The following PIK3R3 variants were observed in gnomAD, a reference collection of about 807,000 sequenced individuals.
PIK3R3 encodes the protein phosphoinositide-3-kinase regulatory subunit 3.
In PIK3R3, 64 loss-of-function variants were observed where a neutral mutation model predicts 62.9. The observed-to-expected ratio is 1.02, with a 90% CI of 0.83 to 1.25. PIK3R3 has a LOEUF of 1.25. Among genes scored for constraint, PIK3R3 ranks in the 50% most tolerant of loss-of-function variants. The pLI is 0.00. For missense variants in PIK3R3, 614 were observed against 561.6 expected (o/e 1.09, Z -0.94); for synonymous variants, 165 against 189.0 (o/e 0.87, Z 1.04).
chr1:46,096,860 G>C (rs953010867), intron 1 of PIK3R3, among the ~76,000 whole-genome samples: 1 of 147,074 alleles, frequency 6.8e-6, no homozygotes. Flanking sequence ...AAAAAAGAAA[G>C]AAAAAAGAAG....
chr1:46,097,659 G>A (rs951534505), intron 1 of PIK3R3, among the ~76,000 whole-genome samples: 83 of 151,832 alleles, frequency 5.5e-4, no homozygotes, highest in African/African-American at 1.6e-3. Context: ...AGGCCGAGGC[G>A]GGTGGATCAC....
At chr1:46,100,100 T>C (rs1652513638) in intron 1 of PIK3R3, among the ~76,000 whole-genome samples, 1 of 152,144 alleles carries the variant, frequency 6.6e-6, no homozygotes, top group African/African-American at 2.4e-5. Flanking sequence ...CCCAGATGGG[T>C]TATCTATCTC....
rs1553148027 is a variant in PIK3R3, at chr1:46,071,712, A to AATAT, written c.315-4625_315-4622dup. Among the ~76,000 whole-genome samples, 73 of 24,628 alleles carry AATAT rather than the reference A, an allele frequency of 3.0e-3. 4 individuals are homozygous for AATAT. Among genetic ancestry groups the AATAT allele is most frequent in the Middle Eastern group, 0.033 (1 of 30 alleles). 16.2% of individuals were successfully genotyped at this position (24,628 alleles called of 152,430 possible). On this transcript the variant is annotated intron_variant, in intron 3 of 9. Coordinates refer to ENST00000262741, the MANE Select transcript of PIK3R3 (RefSeq NM_003629.4). ...CTCTGTCTCCAAAAAAAAAAAAAAA[A>AATAT]ATATATATATATATATATAGAGAGA...
At chr1:46,075,244 A>T (rs767709822) in intron 3 of PIK3R3, among the ~76,000 whole-genome samples, 13 of 152,228 alleles carry the variant, frequency 8.5e-5, no homozygotes, top group African/African-American at 1.2e-4. Flanking sequence ...TAGGGTCCTT[A>T]GCATTTTTAA....
chr1:46,117,745 CGAAAGAAA>C (rs547538635), intron 1 of PIK3R3, among the ~76,000 whole-genome samples: 17 of 142,064 alleles, frequency 1.2e-4, no homozygotes, highest in East Asian at 4.4e-4. Context: ...AAACCTGTCT[CGAAAGAAA>C]GAAAGAAAGA....
chr1:46,081,997 T>TATAA (rs139367620), intron 1 of PIK3R3, among the ~76,000 whole-genome samples: 4,944 of 151,742 alleles, frequency 0.033, 112 homozygotes, highest in Non-Finnish European at 0.039. Flanking sequence ...TTCATGCAGA[T>TATAA]ATAAATAAAT....
At chr1:46,151,167 T>A in the PIK3R3 span, among the ~76,000 whole-genome samples, 1 of 152,148 alleles carries the variant, frequency 6.6e-6, no homozygotes, top group East Asian at 1.9e-4. Context: ...TACCTACCTC[T>A]CCTGAACATT....
At chr1:46,142,558 C>T in the PIK3R3 span, among the ~76,000 whole-genome samples, 8 of 152,046 alleles carry the variant, frequency 5.3e-5, no homozygotes, top group Admixed American at 1.3e-4. Context: ...ATTAGCCAAG[C>T]GTGGTGGCGG....
the PIK3R3 span, among the ~76,000 whole-genome samples, chr1:46,156,510 A>T: frequency 1.3e-5 from 2 of 151,864 alleles, no homozygotes; most frequent in African/African-American, 4.8e-5. Flanking sequence ...GAAGAATCTC[A>T]TTCAGTCTCC....
At position 46,056,743 on chromosome 1, in the gene PIK3R3, A is replaced by C. The variant is rs1225391129; in HGVS notation, c.765-772T>G. 2.0e-5 allele frequency: 3 copies of C among 152,278 alleles called. No individual in the cohort carries two copies. The East Asian group carries it at 5.8e-4, about 29-fold the overall frequency. The allele number at this position is 152,278 out of a possible 1,614,324, so 9.4% of individuals were successfully genotyped here. Reference sequence around the variant, plus strand: ...GCCTGCCTGAGGATAAAATCAACCCAGAGAAAAACTGAGCCAAAATACAAC... The same window carrying C: ...GCCTGCCTGAGGATAAAATCAACCCCGAGAAAAACTGAGCCAAAATACAAC... On this transcript the variant is annotated intron_variant, in intron 6 of 9. Transcript: ENST00000262741.
At chr1:46,136,494 A>C (rs898580653), upstream of PIK3R3, among the ~76,000 whole-genome samples, 1 of 152,144 alleles carries the variant, frequency 6.6e-6, no homozygotes, top group Non-Finnish European at 1.5e-5. Flanking sequence ...TGGCATTTGC[A>C]ATTTTTTACC....
Position 46,045,617 on chromosome 1 carries a change from C to CTTTTTTTTTTTTT in PIK3R3, c.1187+288_1187+300dup, listed in dbSNP as rs1031388121. Among the ~76,000 whole-genome samples, 6 of 21,212 alleles carry CTTTTTTTTTTTTT rather than the reference C, an allele frequency of 2.8e-4. 2 individuals carry two copies. Among genetic ancestry groups the CTTTTTTTTTTTTT allele is most frequent in the African/African-American group, 1.1e-3 (5 of 4,558 alleles). The allele number at this position is 21,212 out of a possible 152,430, so 13.9% of individuals were successfully genotyped here. A position where few individuals can be genotyped will look rare whatever the true frequency, so the allele number is the denominator to read the frequency against. Reference sequence around the variant, plus strand: ...TAGGATACTACTAAACAATTAAGTGCTTTTTTTTTTTTTTTTTTTTTTTTT... The same window carrying CTTTTTTTTTTTTT: ...TAGGATACTACTAAACAATTAAGTGCTTTTTTTTTTTTTTTTTTTTTTTTTTTTTTTTTTTTTT... On this transcript the variant is annotated intron_variant, in intron 9 of 9. Coordinates refer to ENST00000262741, the MANE Select transcript of PIK3R3 (RefSeq NM_003629.4).
intron 1 of PIK3R3, among the ~76,000 whole-genome samples, chr1:46,115,371 T>C (rs1034278933): frequency 1.3e-5 from 2 of 152,148 alleles, no homozygotes; most frequent in Non-Finnish European, 2.9e-5. Context: ...ATCCACCACA[T>C]CAAGTTACAC....
At chr1:46,052,941 C>G (rs1647497632) in intron 7 of PIK3R3, among the ~76,000 whole-genome samples, 1 of 152,096 alleles carries the variant, frequency 6.6e-6, no homozygotes, top group South Asian at 2.1e-4. Flanking sequence ...AAAACAAGAC[C>G]AGAGAGAGAT....
chr1:46,105,460 C>T (rs1653114655), intron 1 of PIK3R3, among the ~76,000 whole-genome samples: 1 of 151,836 alleles, frequency 6.6e-6, no homozygotes, highest in South Asian at 2.1e-4. Flanking sequence ...GCCAAGATCA[C>T]GCCACTGCAC....
At chr1:46,093,462 C>G (rs1418565867) in intron 1 of PIK3R3, among the ~76,000 whole-genome samples, 1 of 152,114 alleles carries the variant, frequency 6.6e-6, no homozygotes, top group African/African-American at 2.4e-5. Flanking sequence ...TATTTACCTT[C>G]CAAATAGTAA....
intron 3 of PIK3R3, among the ~76,000 whole-genome samples, chr1:46,073,250 G>T (rs1649712697): frequency 6.6e-6 from 1 of 152,110 alleles, no homozygotes; most frequent in Admixed American, 6.6e-5. Flanking sequence ...TTTGTCAAAT[G>T]AGTCCCTTCA....
chr1:46,094,848 G>C (rs1318277123), intron 1 of PIK3R3, among the ~76,000 whole-genome samples: 1 of 152,170 alleles, frequency 6.6e-6, no homozygotes, highest in Non-Finnish European at 1.5e-5. Flanking sequence ...TCACAACGTA[G>C]AATTTGGATC....
intron 9 of PIK3R3, among the ~76,000 whole-genome samples, chr1:46,045,263 A>G (rs992748628): frequency 6.6e-6 from 1 of 152,228 alleles, no homozygotes; most frequent in African/African-American, 2.4e-5. Context: ...TGAACCCAGT[A>G]TATCTGGCAC....
Sources: gnomAD v4.1 joint callset for allele counts (sites outside exome capture counted in the v4.1 genomes callset) on GRCh38, gnomAD v4.1.1 for gene constraint, MANE v1.5 for transcripts, NCBI Gene and HGNC (gene_info 2026-07-23, HGNC 2026-07-21) for gene names.